ATF6: variants seen among roughly 807,000 people sequenced by gnomAD.
The protein encoded by ATF6 is cyclic AMP-dependent transcription factor ATF-6 alpha.
Under a neutral mutation model 83.6 loss-of-function variants are expected in ATF6, and 53 were observed. The observed-to-expected ratio is 0.63, with a 90% CI of 0.51 to 0.80. The LOEUF (loss-of-function observed/expected upper bound fraction) is 0.80. Among genes scored for constraint, ATF6 ranks in the 30% least tolerant of loss-of-function variants. The pLI, the probability that ATF6 is intolerant of heterozygous loss-of-function variation, is 0.00. For missense variants in ATF6, 744 were observed against 797.9 expected (o/e 0.93, Z 0.81); for synonymous variants, 288 against 285.8 (o/e 1.01, Z -0.08).
rs138948444 is a variant in ATF6 at position 161,851,125 on chromosome 1, C to T, written c.1320-597C>T. Among the ~76,000 whole-genome samples, 104 of 144,590 alleles carry T rather than the reference C, an allele frequency of 7.2e-4. 1 individual carries two copies. In the East Asian group the frequency reaches 0.017, roughly 24 times the overall value. The allele number at this position is 144,590 out of a possible 152,430, so 94.9% of individuals were successfully genotyped here. A position where few individuals can be genotyped will look rare whatever the true frequency, so the allele number is the denominator to read the frequency against. ...TTCTCCTGCCAAGCATTTTATGTCT[C>T]ACCCTATCCTTAACATACACACACA... On this transcript the variant is annotated intron_variant, in intron 10 of 15. Transcript: ENST00000367942.
intron 15 of ATF6, among the ~76,000 whole-genome samples, chr1:161,937,864 A>G (rs1035340596): frequency 2.0e-5 from 3 of 147,418 alleles, no homozygotes; most frequent in African/African-American, 7.5e-5. Context: ...CGTTCTGCAC[A>G]TGTATCCCAG....
chr1:161,947,866 C>T (rs1365471521), intron 15 of ATF6, among the ~76,000 whole-genome samples: 5 of 105,782 alleles, frequency 4.7e-5, no homozygotes, highest in East Asian at 3.4e-4. Flanking sequence ...CTCTTCTTGC[C>T]GAGGCTGGAG....
chr1:161,923,785 C>T (rs572753974), intron 15 of ATF6, among the ~76,000 whole-genome samples: 1 of 152,274 alleles, frequency 6.6e-6, no homozygotes, highest in South Asian at 2.1e-4. Flanking sequence ...TTCTTTGACC[C>T]AAAGGAGCCA....
chr1:161,851,269 C>CACACACAG (rs1557995048), intron 10 of ATF6, among the ~76,000 whole-genome samples: 1 of 150,476 alleles, frequency 6.6e-6, no homozygotes, highest in Non-Finnish European at 1.5e-5. Context: ...CACACACACA[C>CACACACAG]ACACACCCCT....
chr1:161,839,240 G>A (rs996114418), intron 9 of ATF6, among the ~76,000 whole-genome samples: 19 of 152,212 alleles, frequency 1.2e-4, no homozygotes, highest in Non-Finnish European at 2.4e-4. Context: ...CTAACAAGAA[G>A]AGAGACAATA....
rs1207936310 is a variant in ATF6, at chr1:161,959,507, A to T, written c.*853A>T. On this transcript the variant is annotated 3_prime_UTR_variant, in exon 16 of 16. Transcript: ENST00000367942. ...AAAACGGTGAAACCCCGTCTCTACT[A>T]AAAATACAAAAAATTAGCCGGGCGT... 1 of 151,926 alleles carries T rather than the reference A, an allele frequency of 6.6e-6. No homozygotes were observed. Among genetic ancestry groups the T allele is most frequent in the Non-Finnish European group, 1.5e-5 (1 of 67,976 alleles). 9.4% of individuals were successfully genotyped at this position (151,926 alleles called of 1,614,324 possible). A position where few individuals can be genotyped will look rare whatever the true frequency, so the allele number is the denominator to read the frequency against.
chr1:161,887,900 C>T (rs1687461311), intron 14 of ATF6, among the ~76,000 whole-genome samples: 1 of 152,234 alleles, frequency 6.6e-6, no homozygotes, highest in Admixed American at 6.5e-5. Flanking sequence ...CTCTACACAG[C>T]TGTCCCTGAC....
chr1:161,924,064 C>G (rs1023089032), intron 15 of ATF6, among the ~76,000 whole-genome samples: 1 of 152,128 alleles, frequency 6.6e-6, no homozygotes, highest in African/African-American at 2.4e-5. Context: ...AATCAAGAAC[C>G]TTGCACTTTG....
chr1:161,894,227 G>GT (rs11304307), intron 14 of ATF6, among the ~76,000 whole-genome samples: 11,053 of 123,970 alleles, frequency 0.089, 614 homozygotes, highest in East Asian at 0.22. Flanking sequence ...TTGAGCAGGT[G>GT]TTTTTTTTTT....
chr1:161,884,327 T>A (rs1446703377), intron 14 of ATF6, among the ~76,000 whole-genome samples: 3 of 152,128 alleles, frequency 2.0e-5, no homozygotes, highest in Non-Finnish European at 4.4e-5. Flanking sequence ...TGAACGGTAG[T>A]GATAAATACA....
Position 161,936,295 on chromosome 1 carries a change from T to C in ATF6, c.1805-22151T>C, listed in dbSNP as rs1688535117. Among the ~76,000 whole-genome samples the C allele has an allele frequency of 2.3e-5, 2 of 85,158 alleles. 1 individual carries two copies. Among genetic ancestry groups the C allele is most frequent in the South Asian group, 6.9e-4 (2 of 2,904 alleles). 55.9% of individuals were successfully genotyped at this position (85,158 alleles called of 152,430 possible). On this transcript the variant is annotated intron_variant, in intron 15 of 15. Transcript: ENST00000367942. ...GACTAAAACCTACAGATGTTTTTCT[T>C]TTTAATTTTTTTTAATTTTTAATTT...
intron 14 of ATF6, among the ~76,000 whole-genome samples, chr1:161,871,170 G>A (rs1687115977): frequency 6.6e-6 from 1 of 151,606 alleles, no homozygotes; most frequent in African/African-American, 2.4e-5. Context: ...GGTGGGGTTT[G>A]CAGAAACAAA....
rs143445688 is a variant in ATF6, at chr1:161,834,746, G to A, written c.1188-11703G>A. The stretch of plus-strand genomic sequence containing the variant: ...CATATGTAACAAACCTGCACGTTGT[G>A]CACATGTACCCTAAAACCTAAAGTA... On this transcript the variant is annotated intron_variant, in intron 9 of 15. Transcript: ENST00000367942. Among the ~76,000 whole-genome samples, 392 of 152,126 alleles carry A rather than the reference G, an allele frequency of 2.6e-3. 3 individuals are homozygous for A. Among genetic ancestry groups the A allele is most frequent in the African/African-American group, 8.8e-3 (364 of 41,500 alleles).
intron 1 of ATF6, among the ~76,000 whole-genome samples, chr1:161,773,301 A>AT (rs1004739818): frequency 5.3e-5 from 8 of 150,912 alleles, no homozygotes; most frequent in Non-Finnish European, 7.4e-5. Flanking sequence ...ACCTGGCTAA[A>AT]TTTTTTTTTG....
chr1:161,789,791 C>G (rs1339595306), intron 4 of ATF6, among the ~76,000 whole-genome samples: 1 of 152,062 alleles, frequency 6.6e-6, no homozygotes, highest in African/African-American at 2.4e-5. Flanking sequence ...TATCAAATAC[C>G]TTTTAAGCAT....
chr1:161,836,543 T>A (rs759324703), intron 9 of ATF6, among the ~76,000 whole-genome samples: 4 of 152,250 alleles, frequency 2.6e-5, no homozygotes, highest in Non-Finnish European at 4.4e-5. Flanking sequence ...AGTCCTTTCC[T>A]CAAATAGTCT....
chr1:161,773,720 A>G (rs548615756), intron 1 of ATF6, among the ~76,000 whole-genome samples: 645 of 152,362 alleles, frequency 4.2e-3, no homozygotes, highest in South Asian at 0.016. Context: ...AAAAATAGTA[A>G]CTACCATTAT....
chr1:161,864,489 C>G (rs1477765634), intron 14 of ATF6, among the ~76,000 whole-genome samples: 1 of 152,192 alleles, frequency 6.6e-6, no homozygotes, highest in Admixed American at 6.5e-5. Flanking sequence ...CTCACTGTCA[C>G]TGAAATTCTC....
chr1:161,848,996 G>A (rs1378001581), intron 10 of ATF6, among the ~76,000 whole-genome samples: 1 of 151,222 alleles, frequency 6.6e-6, no homozygotes. Context: ...GCACAGATGT[G>A]CAGAAATCAT....
Sources: allele counts gnomAD v4.1 joint callset (sites outside exome capture counted in the v4.1 genomes callset), GRCh38; gene constraint gnomAD v4.1.1; transcripts MANE v1.5; gene names NCBI Gene and HGNC (gene_info 2026-07-23, HGNC 2026-07-21).